The following MYPN variants were observed in gnomAD, a reference collection of about 807,000 sequenced individuals.
MYPN encodes the protein myopalladin, also known as sarcomeric protein myopalladin, 145 kDa (MYOP).
MYPN carries 63 observed loss-of-function variants against 129.4 expected under a neutral mutation model. The observed-to-expected ratio is 0.49, with a 90% CI of 0.40 to 0.60. The LOEUF is 0.60. Ranked by LOEUF, MYPN falls within the 20% of genes least tolerant of loss-of-function variation. The pLI is 0.00. For missense variants in MYPN, 1,596 were observed against 1,635.4 expected, an observed-to-expected ratio of 0.98 and a Z score of 0.42; for synonymous variants, 629 against 600.9, an observed-to-expected ratio of 1.05 and a Z score of -0.68.
chr10:68,183,186 C>T (rs1291643518), intron 12 of MYPN, among the ~76,000 whole-genome samples: 1 of 152,166 alleles, frequency 6.6e-6, no homozygotes, highest in Non-Finnish European at 1.5e-5. Context: ...TGCGGCCAGG[C>T]ACGGTGACTC....
intron 17 of MYPN, 74 bp downstream of exon 17, chr10:68,199,649 A>G (rs979106093): frequency 2.1e-6 from 3 of 1,433,240 alleles, no homozygotes; most frequent in Non-Finnish European, 9.8e-7. Flanking sequence ...AGCCTCTGCC[A>G]GAATTCCTTC....
In MYPN at chr10:68,211,985, C is replaced by T. The variant is rs937118224; in HGVS notation, c.*1530C>T. ...TGTCTTCACTTCAAGGCAAGGATTT[C>T]CAGCATAAAAATAAATTCATTCACT... On this transcript the variant is annotated 3_prime_UTR_variant, in exon 20 of 20. Transcript: ENST00000358913. 2.8e-6 allele frequency: 1 copy of T among 357,908 alleles called. No homozygotes were observed. Among genetic ancestry groups the T allele is most frequent in the Non-Finnish European group, 5.5e-6 (1 of 182,384 alleles). The allele number at this position is 357,908 out of a possible 1,614,324, so 22.2% of individuals were successfully genotyped here. A position where few individuals can be genotyped will look rare whatever the true frequency, so the allele number is the denominator to read the frequency against.
chr10:68,104,490 G>A (rs563738197), upstream of MYPN, among the ~76,000 whole-genome samples: 10 of 152,170 alleles, frequency 6.6e-5, no homozygotes, highest in Admixed American at 2.6e-4. Flanking sequence ...ATAACAAATA[G>A]AAATGAAAAA....
chr10:68,091,164 C>A (rs1371079284), intron 1 of MYPN, among the ~76,000 whole-genome samples: 1 of 151,948 alleles, frequency 6.6e-6, no homozygotes, highest in Non-Finnish European at 1.5e-5. Flanking sequence ...TAGGCATGGA[C>A]TGGAGAAAGG....
chr10:68,106,645 G>C (rs1413417623), upstream of MYPN: 1 of 708,076 alleles, frequency 1.4e-6, no homozygotes, highest in Admixed American at 2.0e-5. Context: ...ATTTGTTTTA[G>C]AGAACTGGAG....
intron 2 of MYPN, among the ~76,000 whole-genome samples, chr10:68,136,903 C>T (rs1202929756): frequency 6.6e-6 from 1 of 151,908 alleles, no homozygotes; most frequent in African/African-American, 2.4e-5. Flanking sequence ...CTCTTTTTTG[C>T]AATTTTCTGT....
intron 12 of MYPN, among the ~76,000 whole-genome samples, chr10:68,181,040 T>C (rs1220142496): frequency 6.6e-6 from 1 of 152,206 alleles, no homozygotes; most frequent in Non-Finnish European, 1.5e-5. Flanking sequence ...AGAGGATGGG[T>C]CATTTCTCAT....
chr10:68,167,421 T>C (rs979904698), intron 10 of MYPN, among the ~76,000 whole-genome samples: 1 of 152,202 alleles, frequency 6.6e-6, no homozygotes, highest in African/African-American at 2.4e-5. Context: ...ATAGGATGAA[T>C]AAGTGGTCAT....
At chr10:68,192,259 A>G (rs1423689596) in intron 13 of MYPN, among the ~76,000 whole-genome samples, 25 of 152,032 alleles carry the variant, frequency 1.6e-4, no homozygotes, top group Admixed American at 1.6e-3. Flanking sequence ...AAATGATCAT[A>G]TGGTTTTTGT....
At chr10:68,168,067 G>T (rs2043081802) in intron 10 of MYPN, among the ~76,000 whole-genome samples, 1 of 152,126 alleles carries the variant, frequency 6.6e-6, no homozygotes, top group Admixed American at 6.6e-5. Flanking sequence ...TTACTTATCT[G>T]ATCCATTCTT....
chr10:68,172,488 CTTAATGACTTTA>C (rs1381095309), intron 10 of MYPN, among the ~76,000 whole-genome samples: 1 of 152,214 alleles, frequency 6.6e-6, no homozygotes, highest in Non-Finnish European at 1.5e-5. Flanking sequence ...GTTTGACAGC[CTTAATGACTTTA>C]TGCATATATG....
intron 6 of MYPN, 149 bp downstream of exon 6, chr10:68,150,260 G>A: frequency 7.2e-6 from 5 of 689,942 alleles, no homozygotes; most frequent in Non-Finnish European, 1.0e-5. Flanking sequence ...AGTTACTACA[G>A]TATCGCTTCA....
chr10:68,182,841 C>T (rs2043360345), intron 12 of MYPN, among the ~76,000 whole-genome samples: 1 of 152,032 alleles, frequency 6.6e-6, no homozygotes. Flanking sequence ...TCATTGAGTT[C>T]TCTGTTTTCA....
chr10:68,203,718 C>CAGAGAGAGAGAG (rs1338807696), intron 18 of MYPN, among the ~76,000 whole-genome samples: 13 of 69,430 alleles, frequency 1.9e-4, no homozygotes, highest in Middle Eastern at 6.1e-3. Context: ...CACATACACA[C>CAGAGAGAGAGAG]ACAGAGAGAG....
At chr10:68,160,082 A>G (rs899681003) in intron 7 of MYPN, among the ~76,000 whole-genome samples, 1 of 152,144 alleles carries the variant, frequency 6.6e-6, no homozygotes, top group African/African-American at 2.4e-5. Flanking sequence ...TATTGGTAGT[A>G]GCAGCAACAA....
intron 8 of MYPN, among the ~76,000 whole-genome samples, chr10:68,163,805 G>A (rs192050657): frequency 5.9e-5 from 9 of 152,238 alleles, no homozygotes; most frequent in Non-Finnish European, 1.2e-4. Flanking sequence ...AAGGAAGTGG[G>A]TCAAAGTGCA....
intron 13 of MYPN, among the ~76,000 whole-genome samples, chr10:68,191,561 G>A (rs1420133130): frequency 9.2e-5 from 14 of 152,098 alleles, no homozygotes; most frequent in Non-Finnish European, 2.9e-5. Context: ...TGTTTTGATA[G>A]GGATTGCGTT....
At chr10:68,118,469 G>C (rs2042189545) in intron 1 of MYPN, among the ~76,000 whole-genome samples, 2 of 152,186 alleles carry the variant, frequency 1.3e-5, no homozygotes, top group African/African-American at 4.8e-5. Context: ...CAAGGCCAAT[G>C]CTCATTCCAT....
chr10:68,160,429 CAAAAAAAAAAAAAAAA>C (rs56201900), intron 7 of MYPN, among the ~76,000 whole-genome samples: 1 of 62,074 alleles, frequency 1.6e-5, no homozygotes, highest in African/African-American at 7.7e-5. Context: ...GACCTTATCT[CAAAAAAAAAAAAAAAA>C]AAAAAAAAAA....
Sources: allele counts gnomAD v4.1 joint callset (sites outside exome capture counted in the v4.1 genomes callset), GRCh38; gene constraint gnomAD v4.1.1; transcripts MANE v1.5; gene names NCBI Gene and HGNC (gene_info 2026-07-23, HGNC 2026-07-21).